ZNF407: variants seen among roughly 807,000 people sequenced by gnomAD.
ZNF407 encodes the protein zinc finger protein 407.
A neutral mutation model predicts 131.2 loss-of-function variants in ZNF407; 17 were observed. The observed-to-expected ratio is 0.13, with a 90% CI of 0.09 to 0.19. The LOEUF (loss-of-function observed/expected upper bound fraction) is 0.19, where lower values mean the gene tolerates loss of function less well. Among genes scored for constraint, ZNF407 ranks in the 10% least tolerant of loss-of-function variants. ZNF407 has a pLI of 1.00. For synonymous variants in ZNF407, 1,156 were observed against 1,062.0 expected, an observed-to-expected ratio of 1.09 and a Z score of -1.72; for missense variants, 2,681 against 2,830.6, an observed-to-expected ratio of 0.95 and a Z score of 1.20.
chr18:75,036,981 G>A (rs929037746), intron 8 of ZNF407, among the ~76,000 whole-genome samples: 5 of 152,198 alleles, frequency 3.3e-5, no homozygotes, highest in South Asian at 2.1e-4. Context: ...CTTTGGCAGC[G>A]TCGAGCTGAG....
At chr18:74,642,192 C>T (rs1252928275) in intron 3 of ZNF407, among the ~76,000 whole-genome samples, 1 of 152,026 alleles carries the variant, frequency 6.6e-6, no homozygotes, top group Non-Finnish European at 1.5e-5. Flanking sequence ...TTTTATGAAC[C>T]ATGGTCTGTG....
At chr18:75,036,065 C>T (rs1025826378) in intron 8 of ZNF407, among the ~76,000 whole-genome samples, 4 of 151,890 alleles carry the variant, frequency 2.6e-5, no homozygotes, top group Non-Finnish European at 4.4e-5. Flanking sequence ...TTTTTTTTCT[C>T]CCAAAGCAGT....
intron 4 of ZNF407, among the ~76,000 whole-genome samples, chr18:74,788,158 T>C (rs1230998677): frequency 6.6e-6 from 1 of 152,226 alleles, no homozygotes; most frequent in Non-Finnish European, 1.5e-5. Context: ...CAGTTTTATT[T>C]ATTTTTTCCT....
chr18:74,774,989 C>T (rs1969438716), intron 3 of ZNF407, among the ~76,000 whole-genome samples: 1 of 151,984 alleles, frequency 6.6e-6, no homozygotes, highest in Admixed American at 6.6e-5. Flanking sequence ...GGAGAGGGTA[C>T]AAGTATTTCA....
At position 74,658,830 on chromosome 18, in the gene ZNF407, A is replaced by G. The variant is rs530923181; in HGVS notation, c.4802+17708A>G. ...AAGTAGACATTTATTCAACTATGAT[A>G]GTCACTAACTTTGGCTTAAATATCC... On this transcript the variant is annotated intron_variant, in intron 3 of 8. Coordinates refer to ENST00000299687, the MANE Select transcript of ZNF407 (RefSeq NM_017757.3). Among the ~76,000 whole-genome samples the G allele has an allele frequency of 5.2e-4, 79 of 152,320 alleles. 1 individual carries two copies. The highest frequency in any genetic ancestry group is 3.9e-3 in the South Asian group (19 of 4,824).
chr18:74,987,303 G>A (rs1467944415), intron 8 of ZNF407, among the ~76,000 whole-genome samples: 2 of 152,090 alleles, frequency 1.3e-5, no homozygotes, highest in African/African-American at 2.4e-5. Flanking sequence ...TTTGATAGAC[G>A]ATAACATCAT....
At chr18:74,737,373 A>C (rs1163003189) in intron 3 of ZNF407, among the ~76,000 whole-genome samples, 1 of 152,182 alleles carries the variant, frequency 6.6e-6, no homozygotes, top group Non-Finnish European at 1.5e-5. Context: ...ATACTATCTT[A>C]CTCTGGAGAA....
chr18:74,906,185 G>A (rs1971592822), intron 7 of ZNF407, among the ~76,000 whole-genome samples: 1 of 152,166 alleles, frequency 6.6e-6, no homozygotes, highest in South Asian at 2.1e-4. Flanking sequence ...GCTTCTTGGT[G>A]TATAGGCTGC....
At chr18:74,931,173 C>T (rs951170820) in intron 8 of ZNF407, among the ~76,000 whole-genome samples, 6 of 151,790 alleles carry the variant, frequency 4.0e-5, no homozygotes, top group African/African-American at 7.3e-5. Context: ...GATGTTACTC[C>T]GAAAGAACAA....
At chr18:74,991,000 C>G (rs902417428) in intron 8 of ZNF407, among the ~76,000 whole-genome samples, 1 of 152,082 alleles carries the variant, frequency 6.6e-6, no homozygotes, top group Non-Finnish European at 1.5e-5. Context: ...TGGATGAAAT[C>G]GGAGAAGTTC....
At chr18:74,771,945 G>A (rs376169936) in intron 3 of ZNF407, among the ~76,000 whole-genome samples, 10 of 152,238 alleles carry the variant, frequency 6.6e-5, no homozygotes, top group African/African-American at 2.4e-4. Flanking sequence ...GGAAAGTAAT[G>A]TAGTGGTTTT....
chr18:74,999,913 C>T (rs540165420), intron 8 of ZNF407, among the ~76,000 whole-genome samples: 30 of 152,246 alleles, frequency 2.0e-4, no homozygotes, highest in African/African-American at 6.7e-4. Context: ...CAGTGGCTAA[C>T]ATGATAGCTT....
At chr18:74,835,978 A>C (rs903514349) in intron 4 of ZNF407, among the ~76,000 whole-genome samples, 2 of 150,836 alleles carry the variant, frequency 1.3e-5, no homozygotes, top group African/African-American at 2.4e-5. Context: ...ACGGTGGAGA[A>C]GGGCTCCTTT....
intron 4 of ZNF407, among the ~76,000 whole-genome samples, chr18:74,800,731 T>G (rs1480673746): frequency 6.6e-6 from 1 of 152,170 alleles, no homozygotes; most frequent in African/African-American, 2.4e-5. Flanking sequence ...AGTTTTTGAT[T>G]AGTTTGCTTC....
chr18:74,877,411 TG>T, intron 5 of ZNF407, 48 bp downstream of exon 5: 2 of 1,572,890 alleles, frequency 1.3e-6, no homozygotes, highest in Non-Finnish European at 8.7e-7. Context: ...AGAGGTAGAC[TG>T]GGTGGACTGT....
chr18:74,804,012 C>A lies in ZNF407; in HGVS notation c.4877+22510C>A, dbSNP rs528844359. On this transcript the variant is annotated intron_variant, in intron 4 of 8. Coordinates refer to ENST00000299687, the MANE Select transcript of ZNF407 (RefSeq NM_017757.3). ...TCGGGACGTTGCCAGGAATACAGAA[C>A]AACAGGAACGCGTCGAGTGCCTCTG... 1.1e-4 allele frequency: 171 copies of A among 1,551,760 alleles called. 2 individuals carry two copies. In the South Asian group the frequency reaches 1.8e-3, roughly 16 times the overall value.
intron 3 of ZNF407, among the ~76,000 whole-genome samples, chr18:74,673,587 G>A (rs1986238371): frequency 6.6e-6 from 1 of 152,178 alleles, no homozygotes; most frequent in Non-Finnish European, 1.5e-5. Flanking sequence ...TGGATACTGT[G>A]ATGTGGACAT....
chr18:74,721,785 GTTC>G (rs1400459648), intron 3 of ZNF407, among the ~76,000 whole-genome samples: 2 of 151,978 alleles, frequency 1.3e-5, no homozygotes, highest in Non-Finnish European at 2.9e-5. Flanking sequence ...TTTTGCATTT[GTTC>G]TTCTTTTACT....
rs374047877 is a variant in ZNF407 at position 74,633,450 on chromosome 18, C to T, written c.2431C>T (p.Leu811Phe). The T allele has an allele frequency of 1.2e-6, 2 of 1,613,816 alleles. No homozygotes were observed. The highest frequency in any genetic ancestry group is 1.3e-5 in the African/African-American group (1 of 74,900). The part of the protein sequence containing the change: ...IGVQLQEHSY[L>F]EKGMLASEEL... ...TGTGCAATTACAAGAGCATTCCTATCTTGAGAAGGGCATGCTGGCGTCTGA... is the reference window on the plus strand; with the variant it reads ...TGTGCAATTACAAGAGCATTCCTATTTTGAGAAGGGCATGCTGGCGTCTGA... Residue 811 changes from leucine to phenylalanine, a missense_variant, in exon 2 of 9, where the codon CTT becomes TTT. Physicochemically the swap from Leu to Phe is conservative, Grantham distance 22 (BLOSUM62 0). Transcript: ENST00000299687.
Sources: gnomAD v4.1 joint callset for allele counts (sites outside exome capture counted in the v4.1 genomes callset) on GRCh38, gnomAD v4.1.1 for gene constraint, MANE v1.5 for transcripts, NCBI Gene and HGNC (gene_info 2026-07-23, HGNC 2026-07-21) for gene names.